Variants in USP18 observed in about 807,000 individuals in gnomAD.
USP18 encodes the protein ubl carboxyl-terminal hydrolase 18.
USP18 carries 11 observed loss-of-function variants against 48.7 expected under a neutral mutation model. The ratio of observed to expected loss-of-function variants is 0.23; its 90% confidence interval spans 0.14 to 0.37. The LOEUF is 0.37. Ranked by LOEUF, USP18 falls within the 10% of genes least tolerant of loss-of-function variation. The pLI is 1.00. For synonymous variants in USP18, 114 were observed against 163.2 expected (o/e 0.70, Z 2.30); for missense variants, 285 against 436.4 (o/e 0.65, Z 3.09).
chr22:18,156,608 C>A (rs1332453528), intron 1 of USP18, among the ~76,000 whole-genome samples: 1 of 151,892 alleles, frequency 6.6e-6, no homozygotes, highest in Admixed American at 6.6e-5. Context: ...CTGAAGCCAG[C>A]GACACCACGA....
intron 8 of USP18, among the ~76,000 whole-genome samples, chr22:18,172,208 T>G (rs567574341): frequency 1.5e-3 from 234 of 152,148 alleles, no homozygotes; most frequent in East Asian, 4.6e-3. Flanking sequence ...TTACCAAAAC[T>G]CATGGCAGGT....
intron 2 of USP18, 86 bp downstream of exon 2, chr22:18,157,906 T>C: frequency 5.8e-6 from 9 of 1,540,066 alleles, no homozygotes; most frequent in South Asian, 2.4e-5. Context: ...CAGAGCTTTG[T>C]ATTCGACGGC....
intron 1 of USP18, among the ~76,000 whole-genome samples, chr22:18,156,578 G>A (rs539771698): frequency 2.0e-4 from 30 of 152,200 alleles, no homozygotes; most frequent in African/African-American, 7.2e-4. Flanking sequence ...CACTCACCGT[G>A]AAGGTCCGCA....
chr22:18,169,975 G>A (rs773344220), intron 7 of USP18, 36 bp downstream of exon 7: 116 of 1,547,538 alleles, frequency 7.5e-5, no homozygotes, highest in Non-Finnish European at 3.9e-5. Flanking sequence ...GCTGTCCCTC[G>A]GTGCATATGG....
At chr22:18,162,663 TG>T (rs1364149460) in intron 4 of USP18, among the ~76,000 whole-genome samples, 29 of 150,788 alleles carry the variant, frequency 1.9e-4, no homozygotes, top group African/African-American at 7.1e-4. Flanking sequence ...AGGTATGCGT[TG>T]CTTACCAACA....
intron 7 of USP18, among the ~76,000 whole-genome samples, chr22:18,170,288 T>C (rs1208492975): frequency 1.3e-5 from 2 of 152,010 alleles, no homozygotes; most frequent in African/African-American, 2.4e-5. Flanking sequence ...GATTTCCTGA[T>C]AGAATCATCA....
At chr22:18,175,229 G>A (rs1305217351) in intron 10 of USP18, among the ~76,000 whole-genome samples, 1 of 152,118 alleles carries the variant, frequency 6.6e-6, no homozygotes, top group African/African-American at 2.4e-5. Context: ...ATTAACTACC[G>A]AGGAGAAGCT....
chr22:18,163,486 A>AC (rs1414110311), intron 4 of USP18, among the ~76,000 whole-genome samples: 1 of 152,016 alleles, frequency 6.6e-6, no homozygotes, highest in Admixed American at 6.6e-5. Flanking sequence ...TACTAAAAAT[A>AC]CAAAAAATTA....
At chr22:18,164,179 C>T (rs1468859796) in intron 4 of USP18, among the ~76,000 whole-genome samples, 1 of 152,106 alleles carries the variant, frequency 6.6e-6, no homozygotes, top group Non-Finnish European at 1.5e-5. Context: ...AGGTGCTCAC[C>T]TGCCTGTTCA....
In USP18 at chr22:18,161,122, G is replaced by T. The variant is rs1602524485; in HGVS notation, c.255-668G>T. Among the ~76,000 whole-genome samples, 3 of 152,070 alleles carry T rather than the reference G, an allele frequency of 2.0e-5. No individual in the cohort carries two copies. In the East Asian group the frequency reaches 5.8e-4, roughly 29 times the overall value. On this transcript the variant is annotated intron_variant, in intron 3 of 10. Coordinates refer to ENST00000215794, the MANE Select transcript of USP18 (RefSeq NM_017414.4). ...TTTGGGTGATTTTAAATGCGGCCAGGATTGACAGCCACTGACTTGGTTAAA... is the reference window on the plus strand; with the variant it reads ...TTTGGGTGATTTTAAATGCGGCCAGTATTGACAGCCACTGACTTGGTTAAA...
In USP18 at chr22:18,164,069, C is replaced by T. The variant is rs181068861; in HGVS notation, c.400+2134C>T. ...GCATTGTTTTACTCTTTGTCACCCC[C>T]AGGGGCCTAGCGAATGCTGGCTGCT... is the stretch of plus-strand genomic sequence containing the variant. On this transcript the variant is annotated intron_variant, in intron 4 of 10. Transcript: ENST00000215794. 4.6e-5 allele frequency among the ~76,000 whole-genome samples: 7 copies of T among 152,378 alleles called. No homozygotes were observed. The East Asian group carries it at 9.6e-4, about 21-fold the overall frequency.
At chr22:18,150,646 G>A (rs1928970071) in intron 1 of USP18, among the ~76,000 whole-genome samples, 1 of 152,234 alleles carries the variant, frequency 6.6e-6, no homozygotes, top group Non-Finnish European at 1.5e-5. Context: ...ACATATAGAT[G>A]TGTTAATGGC....
intron 1 of USP18, among the ~76,000 whole-genome samples, chr22:18,155,425 C>A (rs999248345): frequency 1.3e-5 from 2 of 152,148 alleles, no homozygotes; most frequent in Non-Finnish European, 2.9e-5. Flanking sequence ...ACTCTGGCCA[C>A]GCTTGAGGAG....
intron 3 of USP18, 103 bp downstream of exon 3, chr22:18,160,371 T>A: frequency 4.3e-6 from 6 of 1,391,088 alleles, no homozygotes; most frequent in South Asian, 1.2e-5. Flanking sequence ...AGTGGCATGA[T>A]CTTGGCTCAC....
chr22:18,163,727 A>G (rs1370487913), intron 4 of USP18, among the ~76,000 whole-genome samples: 1 of 152,180 alleles, frequency 6.6e-6, no homozygotes. Context: ...ATAAGAGACG[A>G]ACTTACCAAT....
In USP18 at chr22:18,173,198, G is replaced by T; in HGVS notation, c.940G>T (p.Ala314Ser). ...TGCTGTGATTGCGCACGTGGGAATG[G>T]CAGACTCCGGTCATTACTGTGTCTA... The part of the protein sequence containing the change: ...LFAVIAHVGM[A>S]DSGHYCVYIR... Residue 314 changes from alanine (A) to serine (S), a missense_variant, in exon 9 of 11, where the codon GCA becomes TCA. Around this residue, in one of 5 missense-constraint regions of USP18, gnomAD observed 44 missense variants for 64.4 expected, o/e 0.68. Coordinates refer to ENST00000215794, the MANE Select transcript of USP18 (RefSeq NM_017414.4). 6.2e-7 allele frequency: 1 copy of T among 1,610,690 alleles called. No individual in the cohort carries two copies. The highest frequency in any genetic ancestry group is 8.5e-7 in the Non-Finnish European group (1 of 1,178,056).
rs1222035584 is a variant in USP18, at chr22:18,173,701, G to C, written c.1024-92G>C. ...CTTGGGAGTTGCTAGGGGTGGGCTT[G>C]TCTGGAGGATGAGGGGCACATTATA... is the stretch of plus-strand genomic sequence containing the variant. On this transcript the variant is annotated intron_variant, in intron 9 of 10. Transcript: ENST00000215794. 26 of 1,573,378 alleles carry C rather than the reference G, an allele frequency of 1.7e-5. No individual in the cohort carries two copies. The East Asian group carries it at 1.8e-4, about 11-fold the overall frequency.
At chr22:18,151,821 C>T (rs775559870) in intron 1 of USP18, among the ~76,000 whole-genome samples, 13 of 152,146 alleles carry the variant, frequency 8.5e-5, no homozygotes, top group Non-Finnish European at 1.6e-4. Context: ...ATTTGGGAGG[C>T]CGAGGCAGGT....
At chr22:18,159,998 G>A (rs1446488091) in intron 2 of USP18, among the ~76,000 whole-genome samples, 174 bp from the exon 3 acceptor site, 1 of 151,830 alleles carries the variant, frequency 6.6e-6, no homozygotes, top group Non-Finnish European at 1.5e-5. Flanking sequence ...TTTTTTTGTA[G>A]AGACATGGTT....
Sources: gnomAD v4.1 joint callset for allele counts (sites outside exome capture counted in the v4.1 genomes callset) on GRCh38, gnomAD v4.1.1 for gene constraint, gnomAD v4.1.1 regional missense constraint, MANE v1.5 for transcripts, NCBI Gene and HGNC (gene_info 2026-07-23, HGNC 2026-07-21) for gene names.